Variants in N4BP2 observed in about 807,000 individuals in gnomAD.
The protein encoded by N4BP2 is NEDD4-binding protein 2.
Under a neutral mutation model 152.8 loss-of-function variants are expected in N4BP2, and 91 were observed. The ratio of observed to expected loss-of-function variants is 0.60; its 90% CI spans 0.50 to 0.71. The LOEUF (loss-of-function observed/expected upper bound fraction) is 0.71, where lower values mean the gene tolerates loss of function less well. N4BP2 is among the 30% of genes least tolerant of loss of function. N4BP2 has a pLI of 0.00. For synonymous variants in N4BP2, 646 were observed against 705.3 expected, an observed-to-expected ratio of 0.92 and a Z score of 1.33; for missense variants, 1,923 against 2,059.1, an observed-to-expected ratio of 0.93 and a Z score of 1.28.
intron 1 of N4BP2, among the ~76,000 whole-genome samples, chr4:40,060,111 G>A (rs1397451569): frequency 6.6e-6 from 1 of 152,098 alleles, no homozygotes; most frequent in Non-Finnish European, 1.5e-5. Flanking sequence ...TGAGATTACA[G>A]GCGTGAGCCA....
chr4:40,154,253 A>C lies in N4BP2; in HGVS notation c.*16A>C, dbSNP rs199536066. ...GCTAAAGTAAAATAAACATCCTTGAATTAGAAGTATGAAGGTTTGTAGGTT... is the reference window on the plus strand; with the variant it reads ...GCTAAAGTAAAATAAACATCCTTGACTTAGAAGTATGAAGGTTTGTAGGTT... On this transcript the variant is annotated 3_prime_UTR_variant, in exon 18 of 18. Transcript: ENST00000261435. 7.0e-6 allele frequency: 11 copies of C among 1,567,284 alleles called. No individual in the cohort carries two copies. Among genetic ancestry groups the C allele is most frequent in the Non-Finnish European group, 8.7e-6 (10 of 1,146,870 alleles).
Position 40,122,107 on chromosome 4 carries a change from T to A in N4BP2, c.3996T>A (p.Asn1332Lys), listed in dbSNP as rs893715139. Residue 1332 changes from asparagine to lysine, a missense_variant, in exon 9 of 18, where the codon AAT becomes AAA. Coordinates refer to ENST00000261435, the MANE Select transcript of N4BP2 (RefSeq NM_018177.6). ...TTTCAGATGAAGAAGAATTTATGAA[T>A]GAAGATGAGAAGGAAATGAAGGAAA... ...VKFSDEEEFM[N>K]EDEKEMKEIL... is the part of the protein sequence containing the mutation. 1 of 1,585,942 alleles carries A rather than the reference T, an allele frequency of 6.3e-7. No homozygotes were observed. Among genetic ancestry groups the A allele is most frequent in the African/African-American group, 1.4e-5 (1 of 73,840 alleles).
intron 1 of N4BP2, among the ~76,000 whole-genome samples, chr4:40,062,294 A>T (rs1015470151): frequency 1.3e-5 from 2 of 151,848 alleles, no homozygotes; most frequent in African/African-American, 4.8e-5. Flanking sequence ...TAGCCAGGAT[A>T]GTCTCGATCT....
At position 40,118,228 on chromosome 4, in the gene N4BP2, G is replaced by T. The variant is rs142182181; in HGVS notation, c.1820+204G>T. On this transcript the variant is annotated intron_variant, in intron 8 of 17. Transcript: ENST00000261435. ...GAGGTCAGGAGTTCGAGACCAGCCT[G>T]ACCAACATGGAGAAACCCGTCTCCA... Among the ~76,000 whole-genome samples the T allele has an allele frequency of 6.7e-3, 1,016 of 152,220 alleles. 7 individuals are homozygous for T. The highest frequency in any genetic ancestry group is 5.5e-3 in the Non-Finnish European group (373 of 68,020).
Position 40,121,530 on chromosome 4 carries a change from A to G in N4BP2, c.3419A>G (p.Asn1140Ser). The G allele has an allele frequency of 1.2e-6, 2 of 1,614,134 alleles. No homozygotes were observed. The highest frequency in any genetic ancestry group is 2.2e-5 in the South Asian group (2 of 91,078). Reference protein sequence around the residue: ...TKLCEDTEFENFQKSCDGSQI... With the variant: ...TKLCEDTEFESFQKSCDGSQI... ...TTATGTGAGGATACAGAGTTTGAGA[A>G]TTTCCAAAAATCGTGTGATGGATCA... Residue 1140 changes from asparagine (N) to serine (S), a missense_variant, in exon 9 of 18, where the codon AAT becomes AGT. Asn to Ser is a conservative substitution (Grantham distance 46, BLOSUM62 1). Transcript: ENST00000261435.
In N4BP2 at chr4:40,144,770, T is replaced by G. The variant is rs1400691624; in HGVS notation, c.5113T>G (p.Leu1705Val). The G allele has an allele frequency of 1.2e-6, 2 of 1,612,090 alleles. No individual in the cohort carries two copies. Among genetic ancestry groups the G allele is most frequent in the Non-Finnish European group, 1.7e-6 (2 of 1,179,286 alleles). The change falls in exon 16 of 18, where the codon TTG becomes GTG. Residue 1705 changes from leucine to valine, a missense_variant. By Grantham distance (32) the Leu-to-Val change is conservative. Coordinates refer to ENST00000261435, the MANE Select transcript of N4BP2 (RefSeq NM_018177.6). ...GCATGTGGATGAAGCTCTAGAACATTTGATGAGAGTTTTAGAGAAGAAGAC... is the reference window on the plus strand; with the variant it reads ...GCATGTGGATGAAGCTCTAGAACATGTGATGAGAGTTTTAGAGAAGAAGAC... The part of the protein sequence containing the change: ...GLHVDEALEH[L>V]MRVLEKKTEE...
At chr4:40,082,874 G>A (rs1011586086) in intron 2 of N4BP2, 5 of 154,176 alleles carry the variant, frequency 3.2e-5, no homozygotes, top group Non-Finnish European at 5.8e-5. Flanking sequence ...CTAATTTTTT[G>A]TATTTTTAGT....
At chr4:40,124,607 A>T (rs986335962) in intron 11 of N4BP2, among the ~76,000 whole-genome samples, 2 of 152,212 alleles carry the variant, frequency 1.3e-5, no homozygotes, top group African/African-American at 4.8e-5. Flanking sequence ...TTGGCCTCCC[A>T]AAGTCCTGGG....
rs1579088618 is a variant in N4BP2, at chr4:40,125,995, T to G, written c.4331-139T>G. 2.5e-5 allele frequency: 12 copies of G among 472,424 alleles called. No homozygotes were observed. In the East Asian group the frequency reaches 4.0e-4, roughly 16 times the overall value. The allele number at this position is 472,424 out of a possible 1,614,324, so 29.3% of individuals were successfully genotyped here. A position where few individuals can be genotyped will look rare whatever the true frequency, so the allele number is the denominator to read the frequency against. ...GATGACGTGAAGATGTATTTTACAA[T>G]TTCAGAGTTGTGTTATATTTACAAA... On this transcript the variant is annotated intron_variant, in intron 11 of 17. Coordinates refer to ENST00000261435, the MANE Select transcript of N4BP2 (RefSeq NM_018177.6).
chr4:40,118,079 G>A, intron 8 of N4BP2, 55 bp downstream of exon 8: 4 of 1,383,918 alleles, frequency 2.9e-6, no homozygotes, highest in Non-Finnish European at 3.8e-6. Context: ...TTTTTAAAAG[G>A]TATAATTTTG....
chr4:40,063,395 A>G (rs547978617), intron 1 of N4BP2, among the ~76,000 whole-genome samples: 13 of 152,178 alleles, frequency 8.5e-5, no homozygotes, highest in Non-Finnish European at 1.6e-4. Flanking sequence ...TTCACATGGT[A>G]AACCTGTTTC....
chr4:40,102,369 A>G lies in N4BP2; in HGVS notation c.524A>G (p.Asp175Gly). The change falls in exon 4 of 18, where the codon GAC (aspartate) becomes GGC (glycine). Residue 175 changes from aspartate to glycine, a missense_variant. By Grantham distance (94) the Asp-to-Gly change is moderately conservative. Coordinates refer to ENST00000261435, the MANE Select transcript of N4BP2 (RefSeq NM_018177.6). ...LPSQDVNSFN[D>G]SSEFINPDSS... is the part of the protein sequence containing the mutation. ...TCACAAGATGTTAATAGTTTTAATGACTCAAGTGAGTTTATAAATCCTGAT... is the reference window on the plus strand; with the variant it reads ...TCACAAGATGTTAATAGTTTTAATGGCTCAAGTGAGTTTATAAATCCTGAT... The G allele has an allele frequency of 6.2e-7, 1 of 1,613,040 alleles. No individual in the cohort carries two copies. Among genetic ancestry groups the G allele is most frequent in the Non-Finnish European group, 8.5e-7 (1 of 1,179,636 alleles).
the N4BP2 span, among the ~76,000 whole-genome samples, chr4:40,174,610 C>G: frequency 1.3e-5 from 2 of 152,050 alleles, no homozygotes; most frequent in African/African-American, 4.8e-5. Flanking sequence ...TGAGACCAGC[C>G]TGGCCAACAT....
chr4:40,117,997 C>T lies in N4BP2; in HGVS notation c.1793C>T (p.Ala598Val), dbSNP rs140402064. The T allele has an allele frequency of 1.2e-4, 200 of 1,604,596 alleles. No individual in the cohort carries two copies. The Middle Eastern group carries it at 1.5e-3, about 12-fold the overall frequency. Residue 598 changes from alanine (A) to valine (V), a missense_variant, in exon 8 of 18, where the codon GCA (alanine) becomes GTA (valine). Ala to Val is a moderately conservative substitution (Grantham distance 64, BLOSUM62 0). Coordinates refer to ENST00000261435, the MANE Select transcript of N4BP2 (RefSeq NM_018177.6). ...AAAATTGAACGTATTGAGTTGTGTGCATATTCTTGTGAGGATAGAAGCACT... is the reference window on the plus strand; with the variant it reads ...AAAATTGAACGTATTGAGTTGTGTGTATATTCTTGTGAGGATAGAAGCACT... ...PEKIERIELCAYSCEDRSTSP... is the reference protein window; with the variant it reads ...PEKIERIELCVYSCEDRSTSP...
intron 6 of N4BP2, 101 bp from the exon 7 acceptor site, chr4:40,113,330 AT>A (rs1230249046): frequency 1.2e-6 from 1 of 858,874 alleles, no homozygotes; most frequent in Non-Finnish European, 1.9e-6. Context: ...ACTCATCAAG[AT>A]TAGATAATCT....
intron 14 of N4BP2, chr4:40,142,307 C>T (rs192729099): frequency 9.4e-4 from 300 of 320,840 alleles, no homozygotes; most frequent in African/African-American, 5.9e-3. Flanking sequence ...CTCTCTCTGG[C>T]GGTGGTGGCG....
chr4:40,114,651 T>A (rs1273243206), intron 7 of N4BP2, among the ~76,000 whole-genome samples: 1 of 152,228 alleles, frequency 6.6e-6, no homozygotes, highest in Non-Finnish European at 1.5e-5. Flanking sequence ...GAGATTGACC[T>A]ACAGTTTTTT....
the N4BP2 span, chr4:40,166,687 C>T: frequency 6.6e-6 from 1 of 150,682 alleles, no homozygotes; most frequent in Non-Finnish European, 1.5e-5. Flanking sequence ...GAAACTCCAT[C>T]TAAAAAAAAA....
At chr4:40,073,337 A>G (rs1712399759) in intron 1 of N4BP2, 118 bp from the exon 2 acceptor site, 1 of 151,812 alleles carries the variant, frequency 6.6e-6, no homozygotes, top group African/African-American at 2.4e-5. Context: ...CTCTTTTGTC[A>G]CTTTCTTTTT....
Sources: allele counts gnomAD v4.1 joint callset (sites outside exome capture counted in the v4.1 genomes callset), GRCh38; gene constraint gnomAD v4.1.1; transcripts MANE v1.5; gene names NCBI Gene and HGNC (gene_info 2026-07-23, HGNC 2026-07-21).